Variants in RCAN2 observed in about 807,000 individuals in gnomAD.
RCAN2 encodes the protein regulator of calcineurin 2, also known as calcipressin-2.
RCAN2 carries 9 observed loss-of-function variants against 23.6 expected under a neutral mutation model. The ratio of observed to expected loss-of-function variants is 0.38; its 90% CI spans 0.23 to 0.67. The LOEUF is 0.67. Among genes scored for constraint, RCAN2 ranks in the 30% least tolerant of loss-of-function variants. The pLI is 0.51. For missense variants in RCAN2, 273 were observed against 302.3 expected, an observed-to-expected ratio of 0.90 and a Z score of 0.72; for synonymous variants, 109 against 115.7, an observed-to-expected ratio of 0.94 and a Z score of 0.37.
chr6:46,485,136 A>G (rs996774145), intron 1 of RCAN2, among the ~76,000 whole-genome samples: 1 of 152,232 alleles, frequency 6.6e-6, no homozygotes, highest in Non-Finnish European at 1.5e-5. Context: ...ATTGTGCTCA[A>G]AGATGTTTAT....
chr6:46,336,943 T>C (rs1019899435), intron 2 of RCAN2, among the ~76,000 whole-genome samples: 10 of 126,034 alleles, frequency 7.9e-5, no homozygotes, highest in African/African-American at 2.2e-4. Context: ...GAAAAACATA[T>C]TGGAAGTACC....
At chr6:46,432,525 T>C (rs976663100) in intron 2 of RCAN2, among the ~76,000 whole-genome samples, 1 of 152,118 alleles carries the variant, frequency 6.6e-6, no homozygotes, top group Non-Finnish European at 1.5e-5. Context: ...TCTTTAGCTT[T>C]ATATATAAAT....
chr6:46,265,472 A>G (rs1170364265), intron 2 of RCAN2, among the ~76,000 whole-genome samples: 1 of 152,182 alleles, frequency 6.6e-6, no homozygotes, highest in Non-Finnish European at 1.5e-5. Context: ...ATTTATAGAT[A>G]GTGTCCACTA....
chr6:46,227,239 T>TA (rs1406482782), intron 4 of RCAN2, among the ~76,000 whole-genome samples: 1 of 152,222 alleles, frequency 6.6e-6, no homozygotes, highest in Non-Finnish European at 1.5e-5. Flanking sequence ...GATATTGGTC[T>TA]AAAATTCTCT....
At chr6:46,484,151 A>T (rs919440525) in intron 1 of RCAN2, among the ~76,000 whole-genome samples, 5 of 152,220 alleles carry the variant, frequency 3.3e-5, no homozygotes, top group Admixed American at 2.0e-4. Flanking sequence ...AGACAAATTT[A>T]TGGGGGAAAA....
chr6:46,302,226 T>G (rs899468008), intron 2 of RCAN2, among the ~76,000 whole-genome samples: 2 of 152,182 alleles, frequency 1.3e-5, no homozygotes, highest in South Asian at 4.2e-4. Flanking sequence ...GGCGGGTGAT[T>G]GTACAGTTTC....
At chr6:46,306,459 C>A (rs9463199) in intron 2 of RCAN2, among the ~76,000 whole-genome samples, 107,620 of 152,006 alleles carry the variant, frequency 0.71, 39,885 homozygotes, top group Non-Finnish European at 0.83. Flanking sequence ...ACCCTCCTAG[C>A]ATTCTACACA....
In RCAN2 at chr6:46,275,078, A is replaced by G. The variant is rs545528171; in HGVS notation, c.226-26182T>C. 2.6e-5 allele frequency among the ~76,000 whole-genome samples: 4 copies of G among 152,276 alleles called. No homozygotes were observed. The South Asian group carries it at 8.3e-4, about 32-fold the overall frequency. On this transcript the variant is annotated intron_variant, in intron 2 of 4. Coordinates refer to ENST00000371374, the MANE Select transcript of RCAN2 (RefSeq NM_001251974.2). ...CCATATCTCAACATTTTGACAATGT[A>G]TAAGGGTTTCATTTTATTTATTATT...
chr6:46,376,639 C>T (rs1027608951), intron 2 of RCAN2, among the ~76,000 whole-genome samples: 7 of 152,132 alleles, frequency 4.6e-5, no homozygotes, highest in East Asian at 3.9e-4. Context: ...GAGGAGATCA[C>T]GCCACTGTGG....
At chr6:46,291,138 G>T (rs1014450838) in intron 2 of RCAN2, among the ~76,000 whole-genome samples, 2 of 152,172 alleles carry the variant, frequency 1.3e-5, no homozygotes, top group Non-Finnish European at 2.9e-5. Context: ...ACAAGGGGAA[G>T]CTTCCGTGAT....
rs117376644 is a variant in RCAN2 at position 46,410,657 on chromosome 6, C to T, written c.225+46095G>A. Among the ~76,000 whole-genome samples, 161 of 152,212 alleles carry T rather than the reference C, an allele frequency of 1.1e-3. 3 individuals are homozygous for T. In the East Asian group the frequency reaches 0.027, roughly 26 times the overall value. On this transcript the variant is annotated intron_variant, in intron 2 of 4. Coordinates refer to ENST00000371374, the MANE Select transcript of RCAN2 (RefSeq NM_001251974.2). ...ATATTTACAGAATGTCTATTCTAGG[C>T]GAGGTTCCAGATTAGAAACTGGCCC...
chr6:46,227,601 G>T (rs1765716744), intron 4 of RCAN2, among the ~76,000 whole-genome samples: 1 of 152,146 alleles, frequency 6.6e-6, no homozygotes, highest in Admixed American at 6.5e-5. Context: ...TCTGATGGTA[G>T]TTTGTATTTC....
intron 2 of RCAN2, among the ~76,000 whole-genome samples, chr6:46,424,561 T>C (rs1268221922): frequency 6.6e-6 from 1 of 152,082 alleles, no homozygotes; most frequent in Non-Finnish European, 1.5e-5. Context: ...AATGCACTGT[T>C]GTTTTCTTCC....
chr6:46,379,512 G>A (rs1199377483), intron 2 of RCAN2, among the ~76,000 whole-genome samples: 2 of 152,060 alleles, frequency 1.3e-5, no homozygotes, highest in South Asian at 2.1e-4. Context: ...ATTTTAGCCC[G>A]GGCAATTTCA....
rs1182397129 is a variant in RCAN2 at position 46,456,739 on chromosome 6, A to G, written c.225+13T>C. 2 of 1,531,240 alleles carry G rather than the reference A, an allele frequency of 1.3e-6. No individual in the cohort carries two copies. Among genetic ancestry groups the G allele is most frequent in the East Asian group, 2.4e-5 (1 of 40,830 alleles). 94.9% of individuals were successfully genotyped at this position (1,531,240 alleles called of 1,614,324 possible). On this transcript the variant is annotated intron_variant, in intron 2 of 4. Coordinates refer to ENST00000371374, the MANE Select transcript of RCAN2 (RefSeq NM_001251974.2). ...ATCTCCCCATGTTTTAGGAACAGAA[A>G]AAGGCAGCTTACCTTGCTCTCTTCT...
At chr6:46,263,531 G>A (rs893343577) in intron 2 of RCAN2, among the ~76,000 whole-genome samples, 10 of 56,666 alleles carry the variant, frequency 1.8e-4, no homozygotes, top group African/African-American at 6.5e-4. Flanking sequence ...ATGTGTGTGT[G>A]TGTGTGTATG....
chr6:46,335,790 T>A (rs539765037), intron 2 of RCAN2, among the ~76,000 whole-genome samples: 1 of 152,236 alleles, frequency 6.6e-6, no homozygotes, highest in African/African-American at 2.4e-5. Flanking sequence ...GATACCTACC[T>A]CTGTTTAGAA....
At chr6:46,376,000 AG>A (rs1582152599) in intron 2 of RCAN2, among the ~76,000 whole-genome samples, 1 of 152,160 alleles carries the variant, frequency 6.6e-6, no homozygotes, top group East Asian at 1.9e-4. Context: ...CGCATCTCTG[AG>A]TTCCTTTCCA....
At chr6:46,361,189 G>A (rs1176364122) in intron 2 of RCAN2, among the ~76,000 whole-genome samples, 2 of 152,206 alleles carry the variant, frequency 1.3e-5, no homozygotes, top group Non-Finnish European at 1.5e-5. Flanking sequence ...AGCATAAGAA[G>A]TGACATGGAG....
Sources: allele counts gnomAD v4.1 joint callset (sites outside exome capture counted in the v4.1 genomes callset), GRCh38; gene constraint gnomAD v4.1.1; transcripts MANE v1.5; gene names NCBI Gene and HGNC (gene_info 2026-07-23, HGNC 2026-07-21).